The following DMRT1 variants were observed in gnomAD, a reference collection of about 807,000 sequenced individuals.
DMRT1 encodes the protein doublesex and mab-3 related transcription factor 1.
In DMRT1, 7 loss-of-function variants were observed where a neutral mutation model predicts 32.3. The ratio of observed to expected loss-of-function variants is 0.22; its 90% CI spans 0.12 to 0.41. DMRT1 has a LOEUF of 0.41. Ranked by LOEUF, DMRT1 falls within the 10% of genes least tolerant of loss-of-function variation. DMRT1 has a pLI of 1.00. For missense variants in DMRT1, 625 were observed against 500.5 expected (o/e 1.25, Z -2.37); for synonymous variants, 278 against 206.1 (o/e 1.35, Z -2.99).
intron 4 of DMRT1, among the ~76,000 whole-genome samples, chr9:959,472 C>G (rs533784686): frequency 6.6e-6 from 1 of 152,192 alleles, no homozygotes; most frequent in Non-Finnish European, 1.5e-5. Flanking sequence ...AGAATTGATT[C>G]AAACACTTGT....
At chr9:856,108 G>A (rs971212075) in intron 2 of DMRT1, among the ~76,000 whole-genome samples, 4 of 151,924 alleles carry the variant, frequency 2.6e-5, no homozygotes, top group African/African-American at 4.8e-5. Flanking sequence ...GTAGAGACGA[G>A]GTTTCACCAT....
intron 2 of DMRT1, among the ~76,000 whole-genome samples, chr9:864,567 C>T (rs979034341): frequency 1.0e-4 from 15 of 146,328 alleles, no homozygotes; most frequent in Non-Finnish European, 1.3e-4. Context: ...GGTGCGATCT[C>T]GGCTCACTGC....
At position 968,484 on chromosome 9, in the gene DMRT1, G is replaced by T; in HGVS notation, c.*345G>T. 4.8e-5 allele frequency: 8 copies of T among 167,964 alleles called. No individual in the cohort carries two copies. The highest frequency in any genetic ancestry group is 1.5e-4 in the South Asian group (1 of 6,700). 10.4% of individuals were successfully genotyped at this position (167,964 alleles called of 1,614,324 possible). On this transcript the variant is annotated 3_prime_UTR_variant, in exon 5 of 5. Transcript: ENST00000382276. The stretch of plus-strand genomic sequence containing the variant: ...GTCATCTAATTAGATGTTACTTTTA[G>T]TTTTAAAATGAAATCTTAGGTGCCT...
At chr9:960,467 A>G (rs1315446268) in intron 4 of DMRT1, among the ~76,000 whole-genome samples, 1 of 152,218 alleles carries the variant, frequency 6.6e-6, no homozygotes, top group Non-Finnish European at 1.5e-5. Flanking sequence ...GGGACAGAAA[A>G]TAATGAGTAA....
intron 4 of DMRT1, 42 bp downstream of exon 4, chr9:916,949 G>C (rs755445921): frequency 1.1e-5 from 17 of 1,612,000 alleles, no homozygotes; most frequent in Non-Finnish European, 1.4e-5. Context: ...GGTTGAGAGA[G>C]GATGGCTATC....
At chr9:920,624 G>C (rs1324902337) in intron 4 of DMRT1, among the ~76,000 whole-genome samples, 3 of 152,174 alleles carry the variant, frequency 2.0e-5, no homozygotes, top group Non-Finnish European at 4.4e-5. Flanking sequence ...AGGAATAGTG[G>C]GATGGGACGT....
intron 3 of DMRT1, among the ~76,000 whole-genome samples, chr9:915,498 C>G (rs1342522447): frequency 7.9e-5 from 1 of 12,738 alleles, no homozygotes; most frequent in African/African-American, 1.3e-4. Flanking sequence ...TCACATGCAG[C>G]TGCCACTGGA....
intron 3 of DMRT1, among the ~76,000 whole-genome samples, chr9:900,512 A>G (rs980605337): frequency 1.3e-5 from 2 of 152,210 alleles, no homozygotes; most frequent in Middle Eastern, 6.8e-3. Flanking sequence ...CAGCTGTGCC[A>G]TATTTGTGCT....
intron 4 of DMRT1, among the ~76,000 whole-genome samples, chr9:949,396 A>G (rs1475285069): frequency 1.3e-5 from 2 of 151,922 alleles, no homozygotes; most frequent in Non-Finnish European, 2.9e-5. Context: ...AACCCACAAA[A>G]AACTTTTCTG....
intron 2 of DMRT1, among the ~76,000 whole-genome samples, chr9:872,994 T>A (rs764758683): frequency 2.0e-5 from 3 of 152,268 alleles, no homozygotes; most frequent in African/African-American, 4.8e-5. Context: ...TGGATTCACA[T>A]GCCAGTGTCT....
In DMRT1 at chr9:870,650, T is replaced by C. The variant is rs553310091; in HGVS notation, c.539-23262T>C. On this transcript the variant is annotated intron_variant, in intron 2 of 4. Transcript: ENST00000382276. ...TCCAAGAAAGAACCCCTGGTGAGTC[T>C]AAAGGCTTTGCTTATTTTGTTCTTT... Among the ~76,000 whole-genome samples the C allele has an allele frequency of 5.3e-5, 8 of 151,730 alleles. No homozygotes were observed. In the South Asian group the frequency reaches 1.7e-3, roughly 32 times the overall value.
intron 3 of DMRT1, among the ~76,000 whole-genome samples, chr9:908,241 A>G (rs1817848791): frequency 6.6e-6 from 1 of 152,026 alleles, no homozygotes; most frequent in South Asian, 2.1e-4. Flanking sequence ...GGATCACTTG[A>G]GGCCAGGAAT....
At chr9:847,729 T>C (rs1309219162) in intron 2 of DMRT1, among the ~76,000 whole-genome samples, 2 of 152,204 alleles carry the variant, frequency 1.3e-5, no homozygotes, top group Non-Finnish European at 2.9e-5. Flanking sequence ...TTTATCTGTC[T>C]CCAAAGCTCA....
At position 934,963 on chromosome 9, in the gene DMRT1, C is replaced by G. The variant is rs1818839105; in HGVS notation, c.967+18056C>G. Among the ~76,000 whole-genome samples, 3 of 152,124 alleles carry G rather than the reference C, an allele frequency of 2.0e-5. No individual in the cohort carries two copies. The South Asian group carries it at 6.2e-4, about 32-fold the overall frequency. Reference sequence around the variant, plus strand: ...TCTCGGTTATCTTACTTTTGTTTGTCTCTCCCAGCTGTCTCAACTATATCT... The same window carrying G: ...TCTCGGTTATCTTACTTTTGTTTGTGTCTCCCAGCTGTCTCAACTATATCT... On this transcript the variant is annotated intron_variant, in intron 4 of 4. Coordinates refer to ENST00000382276, the MANE Select transcript of DMRT1 (RefSeq NM_021951.3).
At chr9:944,356 G>C (rs1477430444) in intron 4 of DMRT1, among the ~76,000 whole-genome samples, 1 of 152,166 alleles carries the variant, frequency 6.6e-6, no homozygotes, top group East Asian at 1.9e-4. Context: ...AGTATGCTTA[G>C]TAGGATTAGA....
chr9:916,996 T>A, intron 4 of DMRT1, 89 bp downstream of exon 4: 1 of 1,412,094 alleles, frequency 7.1e-7, no homozygotes, highest in Non-Finnish European at 1.0e-6. Flanking sequence ...ATGGCTTAGC[T>A]GTTAGTAATT....
At chr9:883,718 G>T (rs1420744520) in intron 2 of DMRT1, among the ~76,000 whole-genome samples, 1 of 151,396 alleles carries the variant, frequency 6.6e-6, no homozygotes, top group African/African-American at 2.4e-5. Context: ...CTTGAGCCTA[G>T]CAGTTGGAGG....
intron 3 of DMRT1, among the ~76,000 whole-genome samples, chr9:907,485 A>AC (rs973737180): frequency 6.6e-6 from 1 of 152,118 alleles, no homozygotes; most frequent in Admixed American, 6.6e-5. Context: ...TCTTTTGTGA[A>AC]CCCCCTGATA....
At chr9:842,570 TG>T (rs1838734555) in intron 1 of DMRT1, 1 of 210,148 alleles carries the variant, frequency 4.8e-6, no homozygotes, top group Non-Finnish European at 9.3e-6. Context: ...CCCCCCAGCA[TG>T]GCCGTTGCCA....
Sources: gnomAD v4.1 joint callset for allele counts (sites outside exome capture counted in the v4.1 genomes callset) on GRCh38, gnomAD v4.1.1 for gene constraint, MANE v1.5 for transcripts, NCBI Gene and HGNC (gene_info 2026-07-23, HGNC 2026-07-21) for gene names.